ARID1B: variants seen among roughly 807,000 people sequenced by gnomAD.
ARID1B encodes AT-rich interactive domain-containing protein 1B.
A neutral mutation model predicts 212.3 loss-of-function variants in ARID1B; 30 were observed. The ratio of observed to expected loss-of-function variants is 0.14; its 90% CI spans 0.11 to 0.19. ARID1B has a LOEUF of 0.19. Ranked by LOEUF, ARID1B falls within the 10% of genes least tolerant of loss-of-function variation. The pLI is 1.00. For synonymous variants in ARID1B, 1,402 were observed against 1,301.7 expected, an observed-to-expected ratio of 1.08 and a Z score of -1.66; for missense variants, 2,891 against 3,204.0, an observed-to-expected ratio of 0.90 and a Z score of 2.36.
chr6:157,196,098 A>T (rs2128355245), intron 15 of ARID1B, 67 bp from the exon 16 acceptor site: 1 of 1,571,052 alleles, frequency 6.4e-7, no homozygotes, highest in Non-Finnish European at 8.6e-7. Context: ...AGATGACTAG[A>T]AGGGATGGAT....
intron 4 of ARID1B, among the ~76,000 whole-genome samples, chr6:157,006,995 A>T (rs1359606932): frequency 6.6e-6 from 1 of 152,238 alleles, no homozygotes; most frequent in South Asian, 2.1e-4. Flanking sequence ...AGGCACCATG[A>T]TATGGTCCCA....
At chr6:157,176,194 C>CT (rs1792089696) in intron 11 of ARID1B, among the ~76,000 whole-genome samples, 5 of 152,314 alleles carry the variant, frequency 3.3e-5, no homozygotes, top group Admixed American at 2.0e-4. Context: ...TTCTCTGTAG[C>CT]TACGTTTCGA....
intron 3 of ARID1B, among the ~76,000 whole-genome samples, chr6:156,904,173 A>G (rs1011525795): frequency 2.0e-5 from 3 of 152,192 alleles, no homozygotes; most frequent in Admixed American, 6.5e-5. Context: ...GCACAATACC[A>G]TACTTTTATT....
intron 2 of ARID1B, among the ~76,000 whole-genome samples, chr6:156,887,786 A>C (rs1303890545): frequency 6.6e-6 from 1 of 152,184 alleles, no homozygotes; most frequent in Non-Finnish European, 1.5e-5. Flanking sequence ...AAACAATTTC[A>C]AAGGCTGTAT....
At chr6:156,810,791 T>C (rs1182677924) in intron 1 of ARID1B, among the ~76,000 whole-genome samples, 2 of 152,174 alleles carry the variant, frequency 1.3e-5, no homozygotes, top group Non-Finnish European at 2.9e-5. Context: ...GCAGGTCTTA[T>C]GTGGGAGGGG....
intron 2 of ARID1B, among the ~76,000 whole-genome samples, chr6:156,880,042 C>A (rs1410254444): frequency 2.6e-5 from 4 of 152,184 alleles, no homozygotes; most frequent in Non-Finnish European, 5.9e-5. Context: ...TCTGGGAGCC[C>A]AGATGCCCCC....
chr6:156,777,901 A>G lies in ARID1B; in HGVS notation c.221A>G (p.His74Arg). 2.7e-6 allele frequency: 4 copies of G among 1,500,236 alleles called. No homozygotes were observed. Among genetic ancestry groups the G allele is most frequent in the Non-Finnish European group, 3.5e-6 (4 of 1,133,618 alleles). 92.9% of individuals were successfully genotyped at this position (1,500,236 alleles called of 1,614,324 possible). A position where few individuals can be genotyped will look rare whatever the true frequency, so the allele number is the denominator to read the frequency against. ...GGCGGCCTGAACAGTGTGCACCACC[A>G]CCCCCTGCTCCCCCGTCACGAACTC... Reference protein sequence around the residue: ...GGGGLNSVHHHPLLPRHELNM... With the variant: ...GGGGLNSVHHRPLLPRHELNM... The change falls in exon 1 of 20, where the codon CAC becomes CGC. Residue 74 changes from histidine to arginine, a missense_variant. Transcript: ENST00000636930.
intron 4 of ARID1B, among the ~76,000 whole-genome samples, chr6:157,007,024 C>G (rs954607272): frequency 6.6e-6 from 1 of 152,202 alleles, no homozygotes; most frequent in African/African-American, 2.4e-5. Context: ...CTTTGTAATT[C>G]TGCTTTTGAG....
At chr6:156,881,473 A>G (rs1787092093) in intron 2 of ARID1B, among the ~76,000 whole-genome samples, 1 of 152,240 alleles carries the variant, frequency 6.6e-6, no homozygotes, top group Non-Finnish European at 1.5e-5. Flanking sequence ...CTATGTATAT[A>G]TATAGTGTCA....
At chr6:157,093,085 C>A (rs567937560) in intron 5 of ARID1B, among the ~76,000 whole-genome samples, 1 of 152,142 alleles carries the variant, frequency 6.6e-6, no homozygotes, top group East Asian at 1.9e-4. Context: ...CTTCTCCCTT[C>A]GCTGAGAATG....
intron 1 of ARID1B, among the ~76,000 whole-genome samples, chr6:156,809,304 C>T (rs1374689201): frequency 6.6e-6 from 1 of 152,148 alleles, no homozygotes; most frequent in Non-Finnish European, 1.5e-5. Context: ...TCATTTTGTA[C>T]ACAGGATGTT....
intron 7 of ARID1B, 127 bp downstream of exon 7, chr6:157,133,334 G>T: frequency 8.9e-7 from 1 of 1,122,494 alleles, no homozygotes; most frequent in Non-Finnish European, 1.2e-6. Flanking sequence ...TGACAGGTTT[G>T]TGAGGTTCAT....
intron 4 of ARID1B, among the ~76,000 whole-genome samples, chr6:157,043,152 G>A (rs934623776): frequency 3.9e-5 from 6 of 152,082 alleles, no homozygotes; most frequent in Admixed American, 1.3e-4. Flanking sequence ...TAACATCAGC[G>A]TTCAAACTGG....
chr6:156,966,780 A>G (rs938731927), intron 4 of ARID1B, among the ~76,000 whole-genome samples: 4 of 152,202 alleles, frequency 2.6e-5, no homozygotes, highest in South Asian at 2.1e-4. Flanking sequence ...GGCTCACTGC[A>G]TCCTCCGCCT....
chr6:156,939,617 G>A lies in ARID1B; in HGVS notation c.2247+4041G>A, dbSNP rs974812220. 3 of 152,046 alleles carry A rather than the reference G, an allele frequency of 2.0e-5. No individual in the cohort carries two copies. The East Asian group carries it at 5.8e-4, about 29-fold the overall frequency. 9.4% of individuals were successfully genotyped at this position (152,046 alleles called of 1,614,324 possible). A position where few individuals can be genotyped will look rare whatever the true frequency, so the allele number is the denominator to read the frequency against. ...GGGATCTGTTAGGTGGCATTGAATGGCTCTCGGGGCACCTGTGCTCTCTGT... is the reference window on the plus strand; with the variant it reads ...GGGATCTGTTAGGTGGCATTGAATGACTCTCGGGGCACCTGTGCTCTCTGT... On this transcript the variant is annotated intron_variant, in intron 4 of 19. Coordinates refer to ENST00000636930, the MANE Select transcript of ARID1B (RefSeq NM_001374828.1).
rs758936560 is a variant in ARID1B, at chr6:157,210,454, C to T, written c.*2563C>T. The T allele has an allele frequency of 4.3e-6, 1 of 231,478 alleles. No homozygotes were observed. Among genetic ancestry groups the T allele is most frequent in the Non-Finnish European group, 8.5e-6 (1 of 117,194 alleles). The allele number at this position is 231,478 out of a possible 1,614,324, so 14.3% of individuals were successfully genotyped here. A position where few individuals can be genotyped will look rare whatever the true frequency, so the allele number is the denominator to read the frequency against. ...TTGTAACCGATACGCAGAGTCTGAC[C>T]GTTGGGCAACAAGTTTTTCTATCCT... On this transcript the variant is annotated 3_prime_UTR_variant, in exon 20 of 20. Coordinates refer to ENST00000636930, the MANE Select transcript of ARID1B (RefSeq NM_001374828.1).
intron 4 of ARID1B, among the ~76,000 whole-genome samples, chr6:157,062,373 T>G (rs1783396950): frequency 6.6e-6 from 1 of 151,998 alleles, no homozygotes; most frequent in African/African-American, 2.4e-5. Context: ...ATTTTTTTCA[T>G]TTTTTGTAGA....
intron 4 of ARID1B, among the ~76,000 whole-genome samples, chr6:156,962,724 C>T (rs1794474606): frequency 6.6e-6 from 1 of 152,202 alleles, no homozygotes; most frequent in African/African-American, 2.4e-5. Context: ...CTCAAGAGAT[C>T]CGCCCGCCTT....
chr6:157,206,259 C>G lies in ARID1B; in HGVS notation c.5487C>G (p.Pro1829=), dbSNP rs771869774. ...TTATGGAATATGAAGTGGGAGACCC[C>G]AGCCAAAAAGCACTTGATCACAACG... is the stretch of plus-strand genomic sequence containing the variant. ...GILMEYEVGD[P]SQKALDHNAA... is the part of the protein sequence containing the mutation. The change falls in exon 20 of 20, where the codon CCC becomes CCG. Residue 1829 remains proline (P), a synonymous_variant. Coordinates refer to ENST00000636930, the MANE Select transcript of ARID1B (RefSeq NM_001374828.1). The surrounding 1 kb of genome is among the most constrained non-coding windows in gnomAD (Gnocchi z 6.8). The G allele has an allele frequency of 1.2e-6, 2 of 1,614,018 alleles. No homozygotes were observed. Among genetic ancestry groups the G allele is most frequent in the African/African-American group, 2.7e-5 (2 of 74,902 alleles).
Sources: allele counts gnomAD v4.1 joint callset (sites outside exome capture counted in the v4.1 genomes callset), GRCh38; gene constraint gnomAD v4.1.1; non-coding constraint Gnocchi (gnomAD v3.1); transcripts MANE v1.5; gene names NCBI Gene and HGNC (gene_info 2026-07-23, HGNC 2026-07-21).